Variants in PHACTR2 observed in about 807,000 individuals in gnomAD.
PHACTR2 encodes the protein phosphatase and actin regulator 2.
A neutral mutation model predicts 76.0 loss-of-function variants in PHACTR2; 30 were observed. The observed-to-expected ratio is 0.39, with a 90% CI of 0.30 to 0.54. PHACTR2 has a LOEUF of 0.54. Ranked by LOEUF, PHACTR2 falls within the 20% of genes least tolerant of loss-of-function variation. PHACTR2 has a pLI of 0.61. For missense variants in PHACTR2, 696 were observed against 781.1 expected (o/e 0.89, Z 1.30); for synonymous variants, 292 against 292.5 (o/e 1.00, Z 0.02).
chr6:143,582,545 A>G (rs1239424022), intron 1 of PHACTR2, among the ~76,000 whole-genome samples: 2 of 152,304 alleles, frequency 1.3e-5, no homozygotes, highest in East Asian at 1.9e-4. Flanking sequence ...GTATGGATTT[A>G]TAATGATATT....
chr6:143,830,653 T>C lies in PHACTR2; in HGVS notation c.*6964T>C, dbSNP rs1399048305. ...CCCTTTTTTAATTCCGTACTGGTAT[T>C]TGTGTTATTTAAAAAGCAAAATTCT... On this transcript the variant is annotated 3_prime_UTR_variant, in exon 13 of 13. Coordinates refer to ENST00000440869, the MANE Select transcript of PHACTR2 (RefSeq NM_001100164.2). 1 of 152,206 alleles carries C rather than the reference T, an allele frequency of 6.6e-6. No homozygotes were observed. The highest frequency in any genetic ancestry group is 2.4e-5 in the African/African-American group (1 of 41,458). The allele number at this position is 152,206 out of a possible 1,614,324, so 9.4% of individuals were successfully genotyped here.
chr6:143,818,296 G>A lies in PHACTR2; in HGVS notation c.1923-5378G>A, dbSNP rs966519393. Among the ~76,000 whole-genome samples the A allele has an allele frequency of 3.9e-5, 6 of 152,164 alleles. No homozygotes were observed. Among genetic ancestry groups the A allele is most frequent in the Non-Finnish European group, 8.8e-5 (6 of 68,032 alleles). On this transcript the variant is annotated intron_variant, in intron 12 of 12. Transcript: ENST00000440869. The surrounding 1 kb of genome is among the most constrained non-coding windows in gnomAD (Gnocchi z 4.9). ...TGTTTTGATCTCATACTGAAATGTA[G>A]GTTAGGAAGACAGTCTGGAGCATAG...
At chr6:143,766,871 T>C (rs952041589) in intron 6 of PHACTR2, among the ~76,000 whole-genome samples, 1 of 152,230 alleles carries the variant, frequency 6.6e-6, no homozygotes, top group Non-Finnish European at 1.5e-5. Context: ...CAGAGTATAG[T>C]AGACGCAATG....
rs1777002446 is a variant in PHACTR2 at position 143,664,643 on chromosome 6, G to T, written c.14-47373G>T. ...TATATCTTTCCCCGATCAAAATCAG[G>T]ACTTTAACATACATGTTAAAACTTC... On this transcript the variant is annotated intron_variant, in intron 1 of 11. Coordinates refer to the PHACTR2 transcript ENST00000305766. The surrounding 1 kb of genome is among the most constrained non-coding windows in gnomAD (Gnocchi z 5.1). Among the ~76,000 whole-genome samples, 1 of 151,968 alleles carries T rather than the reference G, an allele frequency of 6.6e-6. No individual in the cohort carries two copies. The highest frequency in any genetic ancestry group is 1.5e-5 in the Non-Finnish European group (1 of 67,994).
intron 1 of PHACTR2, among the ~76,000 whole-genome samples, chr6:143,601,478 G>T (rs1315740560): frequency 1.3e-5 from 2 of 152,192 alleles, no homozygotes; most frequent in Admixed American, 1.3e-4. Flanking sequence ...AGGCACACTA[G>T]ACTGACACCT....
At position 143,539,361 on chromosome 6, in the gene PHACTR2, C is replaced by G. The variant is rs993911508; in HGVS notation, c.217+2154C>G. 1.3e-5 allele frequency among the ~76,000 whole-genome samples: 2 copies of G among 152,150 alleles called. No individual in the cohort carries two copies. The highest frequency in any genetic ancestry group is 2.9e-5 in the Non-Finnish European group (2 of 68,026). ...ATTTTCAGAACTGAGCCTCGGATCC[C>G]TTTAAGAGCAGACTAAATGTGATCA... On this transcript the variant is annotated intron_variant, in intron 1 of 11. Coordinates refer to the PHACTR2 transcript ENST00000367584. The surrounding 1 kb of genome is among the most constrained non-coding windows in gnomAD (Gnocchi z 4.3).
chr6:143,631,136 C>T (rs189711502), intron 1 of PHACTR2, among the ~76,000 whole-genome samples: 5 of 152,312 alleles, frequency 3.3e-5, no homozygotes, highest in Admixed American at 2.0e-4. Context: ...CCATATGTTA[C>T]ATCATTTCAA....
In PHACTR2 at chr6:143,561,821, T is replaced by G. The variant is rs779740744; in HGVS notation, c.217+24614T>G. ...GAGAGCTGGGTTATTACTGCTTGTG[T>G]GATCTCACCCTTCACCGCCAGCTCA... On this transcript the variant is annotated intron_variant, in intron 1 of 11. Coordinates refer to the PHACTR2 transcript ENST00000367584. The surrounding 1 kb of genome is among the most constrained non-coding windows in gnomAD (Gnocchi z 4.1). The G allele has an allele frequency of 6.6e-6, 1 of 152,280 alleles. No homozygotes were observed. Among genetic ancestry groups the G allele is most frequent in the African/African-American group, 2.4e-5 (1 of 41,462 alleles). 9.4% of individuals were successfully genotyped at this position (152,280 alleles called of 1,614,324 possible).
Position 143,730,914 on chromosome 6 carries a change from AT to A in PHACTR2, c.215-18066del, listed in dbSNP as rs1362772156. On this transcript the variant is annotated intron_variant, in intron 2 of 12. Transcript: ENST00000440869. The surrounding 1 kb of genome is among the most constrained non-coding windows in gnomAD (Gnocchi z 4.8). ...AGGCACGTGCCACTGCACCTGGCTA[AT>A]TTTTGTATTTTTAGTAGAGACGGGG... Among the ~76,000 whole-genome samples the A allele has an allele frequency of 1.3e-5, 2 of 151,918 alleles. No homozygotes were observed. Among genetic ancestry groups the A allele is most frequent in the Admixed American group, 1.3e-4 (2 of 15,242 alleles).
In PHACTR2 at chr6:143,678,536, TAGAG is replaced by T. The variant is rs1777309461; in HGVS notation, c.46+330_46+333del. Among the ~76,000 whole-genome samples, 1 of 152,162 alleles carries T rather than the reference TAGAG, an allele frequency of 6.6e-6. No homozygotes were observed. Among genetic ancestry groups the T allele is most frequent in the South Asian group, 2.1e-4 (1 of 4,834 alleles). Reference sequence around the variant, plus strand: ...ACAGTGTTTTTAAAAACGCGAAACTTAGAGAGCAAGAGAAACATGCCAACAGGTT... The same window carrying T: ...ACAGTGTTTTTAAAAACGCGAAACTTAGCAAGAGAAACATGCCAACAGGTT... On this transcript the variant is annotated intron_variant, in intron 1 of 12. Coordinates refer to ENST00000440869, the MANE Select transcript of PHACTR2 (RefSeq NM_001100164.2). This position sits in a 1 kb window ranked among gnomAD's most constrained non-coding sequence, Gnocchi z 6.2.
intron 5 of PHACTR2, among the ~76,000 whole-genome samples, chr6:143,762,362 C>T (rs1486833032): frequency 2.6e-5 from 4 of 152,208 alleles, no homozygotes; most frequent in African/African-American, 9.6e-5. Flanking sequence ...GAGGTTTTTC[C>T]AGATATTTTG....
rs1221733187 is a variant in PHACTR2 at position 143,546,406 on chromosome 6, C to A, written c.217+9199C>A. 6.6e-6 allele frequency among the ~76,000 whole-genome samples: 1 copy of A among 151,200 alleles called. No individual in the cohort carries two copies. The highest frequency in any genetic ancestry group is 2.4e-5 in the African/African-American group (1 of 41,084). On this transcript the variant is annotated intron_variant, in intron 1 of 11. Transcript: ENST00000367584. This position sits in a 1 kb window ranked among gnomAD's most constrained non-coding sequence, Gnocchi z 4.9. Reference sequence around the variant, plus strand: ...CTCTCTCTAGAACTTTGGACTGTGGCTAGGGCAAGAATGTCAGAGGTACAA... The same window carrying A: ...CTCTCTCTAGAACTTTGGACTGTGGATAGGGCAAGAATGTCAGAGGTACAA...
In PHACTR2 at chr6:143,710,057, G is replaced by A. The variant is rs1220253656; in HGVS notation, c.47-1959G>A. Among the ~76,000 whole-genome samples the A allele has an allele frequency of 1.3e-5, 2 of 152,136 alleles. No individual in the cohort carries two copies. The highest frequency in any genetic ancestry group is 3.9e-4 in the East Asian group (2 of 5,194). ...ACAGGTTCTTCTATGGTGCTCGGCT[G>A]TAGTAGAGCAGTTATTGTCTAAAAG... On this transcript the variant is annotated intron_variant, in intron 1 of 12. Transcript: ENST00000440869. This position sits in a 1 kb window ranked among gnomAD's most constrained non-coding sequence, Gnocchi z 4.9.
chr6:143,593,918 T>C (rs1468970027), intron 1 of PHACTR2, among the ~76,000 whole-genome samples: 1 of 152,224 alleles, frequency 6.6e-6, no homozygotes, highest in East Asian at 1.9e-4. Context: ...GCATACTTTT[T>C]CTCTGCTGTC....
In PHACTR2 at chr6:143,543,269, GC is replaced by G. The variant is rs1311808502; in HGVS notation, c.217+6064del. ...TGGCAGCTCTGAGACAGATATTAAA[GC>G]CGTGGATTTATTCTGGCCCCTACGT... On this transcript the variant is annotated intron_variant, in intron 1 of 11. Coordinates refer to the PHACTR2 transcript ENST00000367584. The surrounding 1 kb of genome is among the most constrained non-coding windows in gnomAD (Gnocchi z 4.7). Among the ~76,000 whole-genome samples the G allele has an allele frequency of 6.6e-6, 1 of 152,194 alleles. No individual in the cohort carries two copies. Among genetic ancestry groups the G allele is most frequent in the Non-Finnish European group, 1.5e-5 (1 of 68,038 alleles).
At position 143,608,350 on chromosome 6, in the gene PHACTR2, T is replaced by C; in HGVS notation, c.13+28T>C. On this transcript the variant is annotated intron_variant, in intron 1 of 11. Transcript: ENST00000305766. This position sits in a 1 kb window ranked among gnomAD's most constrained non-coding sequence, Gnocchi z 4.6. ...GGGTAAATCAAGCATGAATTCTTCA[T>C]AGCTGCTGGCTTCCTTTGCAGCCCG... 6.2e-7 allele frequency: 1 copy of C among 1,613,148 alleles called. No homozygotes were observed. Among genetic ancestry groups the C allele is most frequent in the Non-Finnish European group, 8.5e-7 (1 of 1,179,082 alleles).
chr6:143,602,827 A>G lies in PHACTR2; in HGVS notation c.217+65620A>G, dbSNP rs1325648519. On this transcript the variant is annotated intron_variant, in intron 1 of 11. Coordinates refer to the PHACTR2 transcript ENST00000367584. The surrounding 1 kb of genome is among the most constrained non-coding windows in gnomAD (Gnocchi z 6.1). ...ATCTGGATGTGCAGAAAAGTTTCAC[A>G]GCCTCTGCATTAAGATGGTAAAGAG... is the stretch of plus-strand genomic sequence containing the variant. Among the ~76,000 whole-genome samples the G allele has an allele frequency of 6.6e-6, 1 of 152,170 alleles. No homozygotes were observed. Among genetic ancestry groups the G allele is most frequent in the Non-Finnish European group, 1.5e-5 (1 of 68,042 alleles).
chr6:143,704,533 A>G (rs1778000407), intron 1 of PHACTR2, among the ~76,000 whole-genome samples: 1 of 152,234 alleles, frequency 6.6e-6, no homozygotes, highest in Non-Finnish European at 1.5e-5. Flanking sequence ...ATTTTAAAAT[A>G]TAAACTTGAT....
intron 2 of PHACTR2, among the ~76,000 whole-genome samples, chr6:143,724,204 C>T (rs889853600): frequency 5.9e-5 from 9 of 152,044 alleles, no homozygotes; most frequent in African/African-American, 1.2e-4. Flanking sequence ...GGCACGATCT[C>T]GGCTCACCGC....
Sources: gnomAD v4.1 joint callset for allele counts (sites outside exome capture counted in the v4.1 genomes callset) on GRCh38, gnomAD v4.1.1 for gene constraint, Gnocchi (gnomAD v3.1) non-coding constraint, MANE v1.5 for transcripts, NCBI Gene and HGNC (gene_info 2026-07-23, HGNC 2026-07-21) for gene names.